Variants in FOXK1 observed in about 807,000 individuals in gnomAD.
The protein encoded by FOXK1 is forkhead box K1, also known as forkhead box protein K1.
Under a neutral mutation model 51.9 loss-of-function variants are expected in FOXK1, and 19 were observed. The observed-to-expected ratio is 0.37, with a 90% CI of 0.26 to 0.54. FOXK1 has a LOEUF of 0.54. Ranked by LOEUF, FOXK1 falls within the 20% of genes least tolerant of loss-of-function variation. The probability of loss-of-function intolerance (pLI) is 0.87; values close to 1 mark genes in which losing one functional copy is unlikely to be tolerated. For synonymous variants in FOXK1, 537 were observed against 482.6 expected (o/e 1.11, Z -1.48); for missense variants, 870 against 1,032.7 (o/e 0.84, Z 2.16).
Position 4,756,942 on chromosome 7 carries a change from G to C in FOXK1, c.1051-52G>C. ...TCTGCTGCAGATTTGAGGTGGGTGG[G>C]ACTCATTTTCTGATTTGCTGGTGAT... On this transcript the variant is annotated intron_variant, in intron 4 of 8. Transcript: ENST00000328914. This position sits in a 1 kb window ranked among gnomAD's most constrained non-coding sequence, Gnocchi z 4.1. 1 of 1,585,822 alleles carries C rather than the reference G, an allele frequency of 6.3e-7. No individual in the cohort carries two copies. The highest frequency in any genetic ancestry group is 8.6e-7 in the Non-Finnish European group (1 of 1,164,068).
chr7:4,685,855 A>G (rs755919492), intron 1 of FOXK1, among the ~76,000 whole-genome samples: 10 of 151,842 alleles, frequency 6.6e-5, no homozygotes, highest in African/African-American at 1.7e-4. Context: ...AGACAGAAGA[A>G]TCGCTTGAAC....
chr7:4,694,911 A>C (rs994961790), intron 1 of FOXK1, among the ~76,000 whole-genome samples: 2 of 152,242 alleles, frequency 1.3e-5, no homozygotes, highest in African/African-American at 4.8e-5. Flanking sequence ...TGTGACTTGG[A>C]TACAGTTTAC....
rs375956939 is a variant in FOXK1, at chr7:4,759,157, C to G, written c.1351C>G (p.Pro451Ala). The change falls in exon 6 of 9, where the codon CCT becomes GCT. Residue 451 changes from proline (P) to alanine (A), a missense_variant. Physicochemically the swap from Pro to Ala is conservative, Grantham distance 27 (BLOSUM62 -1). Around this residue, in one of 3 missense-constraint regions of FOXK1, gnomAD observed 457 missense variants for 510.8 expected, o/e 0.89. Coordinates refer to ENST00000328914, the MANE Select transcript of FOXK1 (RefSeq NM_001037165.2). Reference sequence around the variant, plus strand: ...GGAGGGCTCCCCCATTCCACACGACCCTGAGTTTGGGTCCAAGTTAGCTTC... The same window carrying G: ...GGAGGGCTCCCCCATTCCACACGACGCTGAGTTTGGGTCCAAGTTAGCTTC... ...SREGSPIPHDPEFGSKLASVP... is the reference protein window; with the variant it reads ...SREGSPIPHDAEFGSKLASVP... 6.2e-7 allele frequency: 1 copy of G among 1,612,752 alleles called. No homozygotes were observed. Among genetic ancestry groups the G allele is most frequent in the African/African-American group, 1.3e-5 (1 of 74,938 alleles).
At chr7:4,691,671 C>G (rs1000315308) in intron 1 of FOXK1, among the ~76,000 whole-genome samples, 1 of 152,134 alleles carries the variant, frequency 6.6e-6, no homozygotes, top group East Asian at 1.9e-4. Context: ...AGAAGAATCT[C>G]GTCTGCCCTC....
chr7:4,727,255 T>C (rs1006804615), intron 1 of FOXK1, among the ~76,000 whole-genome samples: 2 of 152,168 alleles, frequency 1.3e-5, no homozygotes, highest in Admixed American at 6.5e-5. Flanking sequence ...CCCAGCCTAT[T>C]ATTATTATAG....
Position 4,766,586 on chromosome 7 carries a change from G to C in FOXK1, c.*4122G>C, listed in dbSNP as rs895960476. 1.3e-5 allele frequency: 2 copies of C among 152,290 alleles called. No homozygotes were observed. Among genetic ancestry groups the C allele is most frequent in the African/African-American group, 4.8e-5 (2 of 41,464 alleles). The allele number at this position is 152,290 out of a possible 1,614,324, so 9.4% of individuals were successfully genotyped here. ...AGTTGCTGAGTGTTCCCTGCTCCTAGGTACCACGCTCTGTGCTTCTCAGGC... is the reference window on the plus strand; with the variant it reads ...AGTTGCTGAGTGTTCCCTGCTCCTACGTACCACGCTCTGTGCTTCTCAGGC... On this transcript the variant is annotated 3_prime_UTR_variant, in exon 9 of 9. Coordinates refer to ENST00000328914, the MANE Select transcript of FOXK1 (RefSeq NM_001037165.2). This position sits in a 1 kb window ranked among gnomAD's most constrained non-coding sequence, Gnocchi z 5.5.
intron 1 of FOXK1, among the ~76,000 whole-genome samples, chr7:4,737,860 C>T (rs1195736856): frequency 5.9e-5 from 9 of 152,126 alleles, no homozygotes; most frequent in African/African-American, 4.8e-5. Flanking sequence ...TGGTGGCTCA[C>T]GCCTGTAATC....
At chr7:4,741,954 C>T (rs1202316463) in intron 2 of FOXK1, among the ~76,000 whole-genome samples, 2 of 152,360 alleles carry the variant, frequency 1.3e-5, no homozygotes, top group East Asian at 3.9e-4. Flanking sequence ...CAGACGTGTA[C>T]TTGAGGCTGG....
chr7:4,746,945 A>G (rs535925532), intron 2 of FOXK1, among the ~76,000 whole-genome samples: 1 of 151,972 alleles, frequency 6.6e-6, no homozygotes, highest in East Asian at 1.9e-4. Flanking sequence ...CCAGCTGAGA[A>G]CTCTGGGGAA....
rs915269490 is a variant in FOXK1, at chr7:4,734,817, C to T, written c.561-6021C>T. ...GTGTTGGGTGCCCTCGTCCAGGCCTCGGGTTCACCCCATCCAGAAAGTAAA... is the reference window on the plus strand; with the variant it reads ...GTGTTGGGTGCCCTCGTCCAGGCCTTGGGTTCACCCCATCCAGAAAGTAAA... On this transcript the variant is annotated intron_variant, in intron 1 of 8. Coordinates refer to ENST00000328914, the MANE Select transcript of FOXK1 (RefSeq NM_001037165.2). This position sits in a 1 kb window ranked among gnomAD's most constrained non-coding sequence, Gnocchi z 5.2. Among the ~76,000 whole-genome samples, 37 of 152,152 alleles carry T rather than the reference C, an allele frequency of 2.4e-4. No homozygotes were observed. Among genetic ancestry groups the T allele is most frequent in the African/African-American group, 4.3e-4 (18 of 41,428 alleles).
chr7:4,702,782 C>T (rs1429863868), intron 1 of FOXK1, among the ~76,000 whole-genome samples: 2 of 152,220 alleles, frequency 1.3e-5, no homozygotes, highest in East Asian at 1.9e-4. Context: ...ACATGCGTAA[C>T]CCTAGTGGGT....
At chr7:4,706,806 C>T (rs1043996243) in intron 1 of FOXK1, among the ~76,000 whole-genome samples, 3 of 152,200 alleles carry the variant, frequency 2.0e-5, no homozygotes, top group Non-Finnish European at 2.9e-5. Context: ...TCGCTGACCC[C>T]GGAGTTGGGC....
chr7:4,754,858 C>T (rs867442362), intron 3 of FOXK1: 24 of 604,744 alleles, frequency 4.0e-5, no homozygotes, highest in African/African-American at 2.0e-4. Context: ...GCCCCTCCCG[C>T]CACGCTCCTT....
Position 4,762,074 on chromosome 7 carries a change from C to A in FOXK1, c.1922-110C>A. ...GTAGCCGTCCTGCCTGGCAGGGGTG[C>A]ACTGACCTCCGGTTCCGGCTTGGTG... On this transcript the variant is annotated intron_variant, in intron 8 of 8. Coordinates refer to ENST00000328914, the MANE Select transcript of FOXK1 (RefSeq NM_001037165.2). This position sits in a 1 kb window ranked among gnomAD's most constrained non-coding sequence, Gnocchi z 5.7. 7.7e-7 allele frequency: 1 copy of A among 1,301,024 alleles called. No individual in the cohort carries two copies. 80.6% of individuals were successfully genotyped at this position (1,301,024 alleles called of 1,614,324 possible).
chr7:4,757,634 CAAAAAAAAAAAAAAAAA>C (rs59200954), intron 5 of FOXK1, among the ~76,000 whole-genome samples: 3 of 20,204 alleles, frequency 1.5e-4, no homozygotes, highest in South Asian at 8.7e-3. Context: ...AACTCCGTCT[CAAAAAAAAAAAAAAAAA>C]AAAAAAAAAA....
intron 3 of FOXK1, chr7:4,754,846 G>T: frequency 1.6e-6 from 1 of 625,906 alleles, no homozygotes; most frequent in Non-Finnish European, 2.7e-6. Flanking sequence ...CCGTCACCGA[G>T]GGCCCCTCCC....
At position 4,731,219 on chromosome 7, in the gene FOXK1, T is replaced by G. The variant is rs1413804923; in HGVS notation, c.561-9619T>G. On this transcript the variant is annotated intron_variant, in intron 1 of 8. Coordinates refer to ENST00000328914, the MANE Select transcript of FOXK1 (RefSeq NM_001037165.2). The surrounding 1 kb of genome is among the most constrained non-coding windows in gnomAD (Gnocchi z 5.3). ...AGCATCCCTGCAAGTCAAGCTCTGC[T>G]GTTCCCCGGCCTTCCCTTGAGACTC... 4.8e-4 allele frequency among the ~76,000 whole-genome samples: 73 copies of G among 152,200 alleles called. No homozygotes were observed. Among genetic ancestry groups the G allele is most frequent in the Admixed American group, 4.6e-3 (70 of 15,282 alleles).
intron 1 of FOXK1, among the ~76,000 whole-genome samples, chr7:4,695,517 G>A (rs1420127885): frequency 6.6e-6 from 1 of 152,180 alleles, no homozygotes; most frequent in East Asian, 1.9e-4. Flanking sequence ...TTGAAATGTG[G>A]CTCAAGGCGG....
intron 1 of FOXK1, among the ~76,000 whole-genome samples, chr7:4,688,780 C>T (rs1261483996): frequency 6.6e-6 from 1 of 152,104 alleles, no homozygotes; most frequent in Non-Finnish European, 1.5e-5. Flanking sequence ...TGTCCCTCCC[C>T]CTTGTCATTC....
Sources: allele counts gnomAD v4.1 joint callset (sites outside exome capture counted in the v4.1 genomes callset), GRCh38; gene constraint gnomAD v4.1.1; regional missense constraint gnomAD v4.1.1; non-coding constraint Gnocchi (gnomAD v3.1); transcripts MANE v1.5; gene names NCBI Gene and HGNC (gene_info 2026-07-23, HGNC 2026-07-21).